Variants in PLAAT4 observed in about 807,000 individuals in gnomAD.
PLAAT4 encodes the protein phospholipase A and acyltransferase 4.
A neutral mutation model predicts 14.1 loss-of-function variants in PLAAT4; 12 were observed. The ratio of observed to expected loss-of-function variants is 0.85; its 90% CI spans 0.54 to 1.37. PLAAT4 has a LOEUF of 1.37. Ranked by LOEUF, PLAAT4 falls within the 40% of genes most tolerant of loss-of-function variation. The pLI, the probability that PLAAT4 is intolerant of heterozygous loss-of-function variation, is 0.00. For synonymous variants in PLAAT4, 77 were observed against 79.8 expected (o/e 0.96, Z 0.19); for missense variants, 163 against 211.7 (o/e 0.77, Z 1.43).
intron 2 of PLAAT4, among the ~76,000 whole-genome samples, chr11:63,541,943 C>G (rs1437386900): frequency 6.6e-6 from 1 of 151,916 alleles, no homozygotes; most frequent in African/African-American, 2.4e-5. Flanking sequence ...AGTATCATAC[C>G]AACTCATACG....
At chr11:63,542,121 G>C (rs1244649496) in intron 2 of PLAAT4, among the ~76,000 whole-genome samples, 3 of 152,076 alleles carry the variant, frequency 2.0e-5, no homozygotes, top group Non-Finnish European at 4.4e-5. Flanking sequence ...TCATTAAAAT[G>C]CTTATTTAAA....
At chr11:63,539,695 C>T (rs370584348) in intron 2 of PLAAT4, 71 bp downstream of exon 2, 6 of 1,215,932 alleles carry the variant, frequency 4.9e-6, no homozygotes. Flanking sequence ...GGCACGGTGG[C>T]TCATGCCTGT....
intron 2 of PLAAT4, 155 bp from the exon 3 acceptor site, chr11:63,544,466 T>G: frequency 1.1e-6 from 1 of 937,336 alleles, no homozygotes; most frequent in South Asian, 1.6e-5. Context: ...GGCAACAGAG[T>G]GAGACTCCAT....
rs147348372 is a variant in PLAAT4 at position 63,537,386 on chromosome 11, G to A, written c.9+509G>A. 4.2e-3 allele frequency among the ~76,000 whole-genome samples: 644 copies of A among 152,262 alleles called. 4 individuals are homozygous for A. The highest frequency in any genetic ancestry group is 0.015 in the African/African-American group (604 of 41,532). On this transcript the variant is annotated intron_variant, in intron 1 of 3. Coordinates refer to ENST00000255688, the MANE Select transcript of PLAAT4 (RefSeq NM_004585.5). ...TGAAATTTCTCCTCCTATCAGCCCAGATGTACCGATTGGCAGAAGCTCTAG... is the reference window on the plus strand; with the variant it reads ...TGAAATTTCTCCTCCTATCAGCCCAAATGTACCGATTGGCAGAAGCTCTAG...
chr11:63,537,025 T>A, intron 1 of PLAAT4, 148 bp downstream of exon 1: 1 of 1,027,794 alleles, frequency 9.7e-7, no homozygotes, highest in Non-Finnish European at 1.4e-6. Flanking sequence ...ATTTGTCTTT[T>A]AAAAGTGCAT....
Position 63,536,861 on chromosome 11 carries a change from G to C in PLAAT4, c.-8G>C, listed in dbSNP as rs2017274346. ...AAGAGGAGCACCAGACCTCCTCTTG[G>C]CTTCGAGATGGCTTCGGTAAGTTTC... is the stretch of plus-strand genomic sequence containing the variant. On this transcript the variant is annotated 5_prime_UTR_variant, in exon 1 of 4. Coordinates refer to ENST00000255688, the MANE Select transcript of PLAAT4 (RefSeq NM_004585.5). The C allele has an allele frequency of 3.1e-6, 5 of 1,612,282 alleles. No homozygotes were observed. The highest frequency in any genetic ancestry group is 1.3e-5 in the African/African-American group (1 of 74,900).
intron 2 of PLAAT4, among the ~76,000 whole-genome samples, chr11:63,541,785 T>C (rs1192571480): frequency 6.6e-6 from 1 of 152,192 alleles, no homozygotes; most frequent in Admixed American, 6.5e-5. Flanking sequence ...AGTTTTACAT[T>C]TGTATTTTCT....
chr11:63,538,341 G>T, intron 1 of PLAAT4: 1 of 373,708 alleles, frequency 2.7e-6, no homozygotes, highest in Non-Finnish European at 5.3e-6. Context: ...ATATGGAGTG[G>T]CAGGGACAGG....
intron 1 of PLAAT4, among the ~76,000 whole-genome samples, chr11:63,538,927 G>A (rs1017199882): frequency 6.6e-6 from 1 of 152,124 alleles, no homozygotes; most frequent in Non-Finnish European, 1.5e-5. Context: ...CTGGGAGCTG[G>A]GGGGCCCCAC....
intron 2 of PLAAT4, among the ~76,000 whole-genome samples, chr11:63,542,649 GTC>G (rs2017330718): frequency 6.6e-6 from 1 of 152,096 alleles, no homozygotes; most frequent in African/African-American, 2.4e-5. Context: ...GTTTTAGCAG[GTC>G]TCTCTGATTC....
chr11:63,542,435 C>T (rs1351800472), intron 2 of PLAAT4, among the ~76,000 whole-genome samples: 1 of 152,204 alleles, frequency 6.6e-6, no homozygotes, highest in Admixed American at 6.5e-5. Flanking sequence ...AAAGCCTAAA[C>T]TTTCCTTTTT....
rs868707337 is a variant in PLAAT4 at position 63,543,438 on chromosome 11, C to T, written c.119-1183C>T. Among the ~76,000 whole-genome samples, 4 of 152,224 alleles carry T rather than the reference C, an allele frequency of 2.6e-5. No individual in the cohort carries two copies. In the East Asian group the frequency reaches 5.8e-4, roughly 22 times the overall value. ...ACATCAGCCTTCTGAATAGCTGAGA[C>T]GAGATGATAGGCGTGTGCCACCACG... On this transcript the variant is annotated intron_variant, in intron 2 of 3. Coordinates refer to ENST00000255688, the MANE Select transcript of PLAAT4 (RefSeq NM_004585.5).
At chr11:63,541,021 T>C (rs1180640463) in intron 2 of PLAAT4, among the ~76,000 whole-genome samples, 1 of 152,190 alleles carries the variant, frequency 6.6e-6, no homozygotes, top group African/African-American at 2.4e-5. Context: ...TTGCATCTTA[T>C]CAGTTTTCTC....
intron 2 of PLAAT4, among the ~76,000 whole-genome samples, chr11:63,543,599 C>G (rs1158469218): frequency 1.3e-5 from 2 of 152,188 alleles, no homozygotes; most frequent in Non-Finnish European, 2.9e-5. Context: ...GCCACTGCGC[C>G]CAGCCAACAG....
At chr11:63,539,079 G>T (rs571256270) in intron 1 of PLAAT4, among the ~76,000 whole-genome samples, 1 of 152,296 alleles carries the variant, frequency 6.6e-6, no homozygotes, top group East Asian at 1.9e-4. Flanking sequence ...GCACAGGGCA[G>T]GAGTGATGAG....
At chr11:63,546,059 G>A in intron 3 of PLAAT4, 90 bp from the exon 4 acceptor site, 1 of 1,006,118 alleles carries the variant, frequency 9.9e-7, no homozygotes, top group Non-Finnish European at 1.6e-6. Flanking sequence ...AGGAGAGAGG[G>A]GAGAGGGAGA....
chr11:63,542,401 C>G (rs957251563), intron 2 of PLAAT4, among the ~76,000 whole-genome samples: 5 of 152,260 alleles, frequency 3.3e-5, no homozygotes, highest in African/African-American at 1.2e-4. Context: ...AATCCAATTC[C>G]CTGCTTCCAC....
intron 2 of PLAAT4, among the ~76,000 whole-genome samples, chr11:63,543,054 T>C (rs1350156847): frequency 6.6e-6 from 1 of 152,266 alleles, no homozygotes; most frequent in Non-Finnish European, 1.5e-5. Flanking sequence ...GTAGAAGTTA[T>C]GTTTGTTGAT....
chr11:63,542,514 G>T (rs1302939207), intron 2 of PLAAT4, among the ~76,000 whole-genome samples: 1 of 152,162 alleles, frequency 6.6e-6, no homozygotes, highest in Non-Finnish European at 1.5e-5. Context: ...GTCAATTGAG[G>T]TATCATGTGT....
Sources: allele counts gnomAD v4.1 joint callset (sites outside exome capture counted in the v4.1 genomes callset), GRCh38; gene constraint gnomAD v4.1.1; transcripts MANE v1.5; gene names NCBI Gene and HGNC (gene_info 2026-07-23, HGNC 2026-07-21).